The following VGLL4 variants were observed in gnomAD, a reference collection of about 807,000 sequenced individuals.
The protein encoded by VGLL4 is vestigial like family member 4.
In VGLL4, 7 loss-of-function variants were observed where a neutral mutation model predicts 21.0. The ratio of observed to expected loss-of-function variants is 0.33; its 90% CI spans 0.19 to 0.63. The LOEUF (loss-of-function observed/expected upper bound fraction) is 0.63. VGLL4 is among the 20% of genes least tolerant of loss of function. The pLI, the probability that VGLL4 is intolerant of heterozygous loss-of-function variation, is 0.78. For synonymous variants in VGLL4, 222 were observed against 173.2 expected (o/e 1.28, Z -2.21); for missense variants, 394 against 425.7 (o/e 0.93, Z 0.66).
chr3:11,689,304 C>T (rs1475098743), intron 2 of VGLL4, among the ~76,000 whole-genome samples: 2 of 152,164 alleles, frequency 1.3e-5, no homozygotes, highest in African/African-American at 4.8e-5. Context: ...GGGTTGACCT[C>T]CATGCCTGTT....
Position 11,558,402 on chromosome 3 carries a change from CAG to C in VGLL4, c.*152_*153del, listed in dbSNP as rs1423381340. On this transcript the variant is annotated 3_prime_UTR_variant, in exon 5 of 5. Transcript: ENST00000430365. ...TACGGATACCAAGCAAGTACAAAAA[CAG>C]AACACAAATCCCAACAACATGGTTT... The C allele has an allele frequency of 7.2e-5, 92 of 1,284,658 alleles. No individual in the cohort carries two copies. The highest frequency in any genetic ancestry group is 4.1e-4 in the East Asian group (16 of 39,422). 79.6% of individuals were successfully genotyped at this position (1,284,658 alleles called of 1,614,324 possible). A position where few individuals can be genotyped will look rare whatever the true frequency, so the allele number is the denominator to read the frequency against.
chr3:11,691,417 A>G (rs796915166), intron 2 of VGLL4, among the ~76,000 whole-genome samples: 5 of 152,196 alleles, frequency 3.3e-5, no homozygotes, highest in African/African-American at 1.2e-4. Context: ...TGTGCTGGTA[A>G]ACGTTAACAA....
chr3:11,574,429 T>C (rs984728648), intron 2 of VGLL4, among the ~76,000 whole-genome samples: 2 of 152,026 alleles, frequency 1.3e-5, no homozygotes, highest in African/African-American at 2.4e-5. Flanking sequence ...AGACCAGAGC[T>C]GGGCAGGCCA....
At chr3:11,624,456 C>T (rs1327099846) in intron 1 of VGLL4, among the ~76,000 whole-genome samples, 6 of 152,180 alleles carry the variant, frequency 3.9e-5, no homozygotes, top group Admixed American at 3.9e-4. Flanking sequence ...CCAGCACTAA[C>T]ACGTGAAACA....
Position 11,558,250 on chromosome 3 carries a change from C to T in VGLL4, c.*306G>A. The T allele has an allele frequency of 2.1e-6, 1 of 472,610 alleles. No homozygotes were observed. The highest frequency in any genetic ancestry group is 3.8e-6 in the Non-Finnish European group (1 of 264,152). 29.3% of individuals were successfully genotyped at this position (472,610 alleles called of 1,614,324 possible). A position where few individuals can be genotyped will look rare whatever the true frequency, so the allele number is the denominator to read the frequency against. ...TGTGACTGAGAAAGCGCTGTGGAGT[C>T]CTGGCCCCGTCGGGGCAGCAGACCT... On this transcript the variant is annotated 3_prime_UTR_variant, in exon 5 of 5. Transcript: ENST00000430365.
In VGLL4 at chr3:11,659,400, C is replaced by T. The variant is rs181849724; in HGVS notation, c.64+43571G>A. Among the ~76,000 whole-genome samples the T allele has an allele frequency of 4.6e-3, 622 of 134,670 alleles. 5 individuals are homozygous for T. Among genetic ancestry groups the T allele is most frequent in the African/African-American group, 0.015 (551 of 35,620 alleles). 88.3% of individuals were successfully genotyped at this position (134,670 alleles called of 152,430 possible). ...AGGCTGGAGTGCAATGGTGTGATCT[C>T]GGCTCACCGCAACCTCCACCTCCCG... On this transcript the variant is annotated intron_variant, in intron 2 of 5. Transcript: ENST00000273038.
chr3:11,585,233 C>G (rs560198336), intron 2 of VGLL4, among the ~76,000 whole-genome samples: 18 of 151,816 alleles, frequency 1.2e-4, no homozygotes, highest in Non-Finnish European at 2.5e-4. Context: ...GTCAGGAGTT[C>G]GACACCACCC....
At chr3:11,627,373 T>C (rs529239056) in intron 1 of VGLL4, 1 of 151,496 alleles carries the variant, frequency 6.6e-6, no homozygotes, top group African/African-American at 2.4e-5. Context: ...AGGTCAGGAG[T>C]TCGAGACCAG....
chr3:11,653,658 A>G lies in VGLL4; in HGVS notation c.64+49313T>C, dbSNP rs1405988262. 3.9e-5 allele frequency among the ~76,000 whole-genome samples: 6 copies of G among 152,234 alleles called. No homozygotes were observed. The highest frequency in any genetic ancestry group is 8.8e-5 in the Non-Finnish European group (6 of 68,040). ...GTCGCACATGTACTCAGAAGCAGATACGCAGAAAGTGTATGTTCAGCTTAA... is the reference window on the plus strand; with the variant it reads ...GTCGCACATGTACTCAGAAGCAGATGCGCAGAAAGTGTATGTTCAGCTTAA... On this transcript the variant is annotated intron_variant, in intron 2 of 5. Transcript: ENST00000273038. This position sits in a 1 kb window ranked among gnomAD's most constrained non-coding sequence, Gnocchi z 4.2.
At chr3:11,667,501 C>G (rs1036801384) in intron 2 of VGLL4, among the ~76,000 whole-genome samples, 1 of 152,148 alleles carries the variant, frequency 6.6e-6, no homozygotes, top group African/African-American at 2.4e-5. Context: ...TACCATTTAT[C>G]TGCATGTTTT....
At position 11,669,097 on chromosome 3, in the gene VGLL4, A is replaced by G. The variant is rs75374857; in HGVS notation, c.64+33874T>C. ...GTGTGAGCCTCAGGGGCAGAACCAT[A>G]GATCCTTCATCCTTGTATACGTGGC... is the stretch of plus-strand genomic sequence containing the variant. On this transcript the variant is annotated intron_variant, in intron 2 of 5. Transcript: ENST00000273038. Among the ~76,000 whole-genome samples, 8 of 152,376 alleles carry G rather than the reference A, an allele frequency of 5.3e-5. No individual in the cohort carries two copies. The East Asian group carries it at 1.5e-3, about 29-fold the overall frequency.
chr3:11,565,074 G>C lies in VGLL4; in HGVS notation c.273-55C>G. 7.0e-7 allele frequency: 1 copy of C among 1,420,438 alleles called. No homozygotes were observed. Among genetic ancestry groups the C allele is most frequent in the South Asian group, 1.6e-5 (1 of 63,900 alleles). The allele number at this position is 1,420,438 out of a possible 1,614,324, so 88.0% of individuals were successfully genotyped here. A position where few individuals can be genotyped will look rare whatever the true frequency, so the allele number is the denominator to read the frequency against. ...CGTTTTCTCAAAGGCAAAGGGGACA[G>C]TGACTGTGCGCCAGGCACTCCGTGT... On this transcript the variant is annotated intron_variant, in intron 2 of 4. Transcript: ENST00000430365. This position sits in a 1 kb window ranked among gnomAD's most constrained non-coding sequence, Gnocchi z 4.1.
At chr3:11,710,011 A>G (rs536618808) in intron 1 of VGLL4, among the ~76,000 whole-genome samples, 45 of 152,306 alleles carry the variant, frequency 3.0e-4, no homozygotes, top group African/African-American at 1.1e-3. Context: ...ATCATAATGG[A>G]AGGCAAAGCA....
At chr3:11,644,960 A>G (rs1007255638), upstream of VGLL4, among the ~76,000 whole-genome samples, 7 of 152,098 alleles carry the variant, frequency 4.6e-5, no homozygotes, top group Non-Finnish European at 1.0e-4. Flanking sequence ...ACTTGAAATT[A>G]TAGAGGGAAA....
At chr3:11,580,391 TC>T (rs574919223) in intron 2 of VGLL4, among the ~76,000 whole-genome samples, 189 of 152,354 alleles carry the variant, frequency 1.2e-3, no homozygotes, top group African/African-American at 4.4e-3. Flanking sequence ...TTTCCATTCA[TC>T]CGGTGATGAG....
chr3:11,706,867 G>A (rs1332686965), intron 1 of VGLL4, among the ~76,000 whole-genome samples: 1 of 152,214 alleles, frequency 6.6e-6, no homozygotes, highest in African/African-American at 2.4e-5. Context: ...TTAGGAAGCA[G>A]CAGAAGCTAA....
At chr3:11,606,228 C>A (rs1343844544) in intron 1 of VGLL4, among the ~76,000 whole-genome samples, 1 of 152,180 alleles carries the variant, frequency 6.6e-6, no homozygotes, top group Non-Finnish European at 1.5e-5. Flanking sequence ...ACCGCCCCCA[C>A]GATTCAGTTA....
intron 2 of VGLL4, among the ~76,000 whole-genome samples, chr3:11,688,719 T>C (rs1179676114): frequency 2.6e-5 from 4 of 152,202 alleles, no homozygotes; most frequent in African/African-American, 7.2e-5. Flanking sequence ...CTTATCTTCA[T>C]TTATAAAGAT....
upstream of VGLL4, among the ~76,000 whole-genome samples, chr3:11,644,231 T>C (rs933458406): frequency 6.6e-6 from 1 of 152,208 alleles, no homozygotes; most frequent in South Asian, 2.1e-4. Flanking sequence ...AATGCAACTT[T>C]CGTGAAACTT....
Sources: allele counts gnomAD v4.1 joint callset (sites outside exome capture counted in the v4.1 genomes callset), GRCh38; gene constraint gnomAD v4.1.1; non-coding constraint Gnocchi (gnomAD v3.1); transcripts MANE v1.5; gene names NCBI Gene and HGNC (gene_info 2026-07-23, HGNC 2026-07-21).